KCNQ1: variants seen among roughly 807,000 people sequenced by gnomAD.
KCNQ1 encodes the protein potassium voltage-gated channel subfamily KQT member 1.
Under a neutral mutation model 72.4 loss-of-function variants are expected in KCNQ1, and 49 were observed. The observed-to-expected ratio is 0.68, with a 90% CI of 0.54 to 0.86. KCNQ1 has a LOEUF of 0.86. Ranked by LOEUF, KCNQ1 falls within the 40% of genes least tolerant of loss-of-function variation. KCNQ1 has a pLI of 0.00. For missense variants in KCNQ1, 790 were observed against 945.1 expected (o/e 0.84, Z 2.15); for synonymous variants, 450 against 412.6 (o/e 1.09, Z -1.10).
rs1295795866 is a variant in KCNQ1 at position 2,509,793 on chromosome 11, G to A, written c.387-18135G>A. 6.6e-6 allele frequency among the ~76,000 whole-genome samples: 1 copy of A among 152,198 alleles called. No homozygotes were observed. Among genetic ancestry groups the A allele is most frequent in the Non-Finnish European group, 1.5e-5 (1 of 68,040 alleles). On this transcript the variant is annotated intron_variant, in intron 1 of 15. Transcript: ENST00000155840. The surrounding 1 kb of genome is among the most constrained non-coding windows in gnomAD (Gnocchi z 6.3). ...GCGGGGCTGGGCGGCTGCTGGCTGA[G>A]CCAAGTGGACTGGGAGGTGTGGACA...
At chr11:2,811,502 C>G (rs1847484817) in intron 15 of KCNQ1, among the ~76,000 whole-genome samples, 1 of 152,248 alleles carries the variant, frequency 6.6e-6, no homozygotes, top group African/African-American at 2.4e-5. Context: ...GTTCACTGCC[C>G]TAAAGGCCGC....
At chr11:2,718,291 T>A (rs10832572) in intron 11 of KCNQ1, among the ~76,000 whole-genome samples, 1 of 151,992 alleles carries the variant, frequency 6.6e-6, no homozygotes, top group African/African-American at 2.4e-5. Flanking sequence ...ACCCCCACAC[T>A]TAGGGTGCCT....
At chr11:2,459,681 C>T (rs998013203) in intron 1 of KCNQ1, among the ~76,000 whole-genome samples, 5 of 152,052 alleles carry the variant, frequency 3.3e-5, no homozygotes, top group Non-Finnish European at 7.4e-5. Context: ...CGTGGTCCCT[C>T]CCCCCAGACC....
chr11:2,836,864 G>A (rs1848076275), intron 15 of KCNQ1, among the ~76,000 whole-genome samples: 1 of 152,256 alleles, frequency 6.6e-6, no homozygotes, highest in Non-Finnish European at 1.5e-5. Flanking sequence ...AGAGGGAAAT[G>A]GGGCAGGTGA....
chr11:2,460,695 C>T (rs1342870976), intron 1 of KCNQ1, among the ~76,000 whole-genome samples: 3 of 152,196 alleles, frequency 2.0e-5, no homozygotes, highest in Non-Finnish European at 2.9e-5. Flanking sequence ...GGACTCCGCT[C>T]TTGTGGGGCA....
At chr11:2,684,516 T>C (rs1850451702) in intron 11 of KCNQ1, 6 of 398,530 alleles carry the variant, frequency 1.5e-5, no homozygotes, top group Non-Finnish European at 2.2e-5. Context: ...TATTCCACTG[T>C]TAGGTGTTGG....
rs548212611 is a variant in KCNQ1 at position 2,462,201 on chromosome 11, T to G, written c.386+16717T>G. On this transcript the variant is annotated intron_variant, in intron 1 of 15. Transcript: ENST00000155840. This position sits in a 1 kb window ranked among gnomAD's most constrained non-coding sequence, Gnocchi z 8.2. ...TCTGGTGGTTTGGGTTCTGGATTGG[T>G]GGGTGCTGGGTGGGTCTTCATGGCT... Among the ~76,000 whole-genome samples the G allele has an allele frequency of 5.3e-5, 8 of 151,982 alleles. 1 individual carries two copies. In the South Asian group the frequency reaches 1.7e-3, roughly 32 times the overall value.
rs1042710227 is a variant in KCNQ1, at chr11:2,495,626, T to C, written c.387-32302T>C. ...AGTCATTCAGTAGCAGGTTGTTCAA[T>C]TTCCATGTATCTGTGTGGTTTTTAG... On this transcript the variant is annotated intron_variant, in intron 1 of 15. Coordinates refer to ENST00000155840, the MANE Select transcript of KCNQ1 (RefSeq NM_000218.3). This position sits in a 1 kb window ranked among gnomAD's most constrained non-coding sequence, Gnocchi z 4.6. 6.6e-6 allele frequency among the ~76,000 whole-genome samples: 1 copy of C among 152,260 alleles called. No individual in the cohort carries two copies. The highest frequency in any genetic ancestry group is 2.4e-5 in the African/African-American group (1 of 41,474).
rs969765913 is a variant in KCNQ1 at position 2,495,505 on chromosome 11, T to C, written c.387-32423T>C. The stretch of plus-strand genomic sequence containing the variant: ...ATAAATTTGCCTCTAAACACTGCTT[T>C]AGCTGTGTCCCAGAAATTCTGGTAC... On this transcript the variant is annotated intron_variant, in intron 1 of 15. Transcript: ENST00000155840. The surrounding 1 kb of genome is among the most constrained non-coding windows in gnomAD (Gnocchi z 4.6). Among the ~76,000 whole-genome samples the C allele has an allele frequency of 1.3e-5, 2 of 152,250 alleles. No homozygotes were observed. The highest frequency in any genetic ancestry group is 2.9e-5 in the Non-Finnish European group (2 of 68,040).
chr11:2,641,777 A>G (rs1849580747), intron 10 of KCNQ1: 1 of 398,412 alleles, frequency 2.5e-6, no homozygotes, highest in Non-Finnish European at 4.4e-6. Context: ...TTCATGCCTC[A>G]TGTTTAAGTC....
chr11:2,633,361 A>G, intron 10 of KCNQ1: 1 of 398,350 alleles, frequency 2.5e-6, no homozygotes, highest in East Asian at 3.6e-5. Context: ...TTTTATGTGT[A>G]GGTTTTTAGT....
In KCNQ1 at chr11:2,781,556, A is replaced by T. The variant is rs1846823003; in HGVS notation, c.1794+3519A>T. Among the ~76,000 whole-genome samples, 1 of 152,306 alleles carries T rather than the reference A, an allele frequency of 6.6e-6. No homozygotes were observed. Among genetic ancestry groups the T allele is most frequent in the Non-Finnish European group, 1.5e-5 (1 of 68,018 alleles). ...CCCACTGGGCTTCCTGAAGTCCCAC[A>T]CAGGGCTGGCAGTCTGTGTGGGGGC... is the stretch of plus-strand genomic sequence containing the variant. On this transcript the variant is annotated intron_variant, in intron 15 of 15. Transcript: ENST00000155840. The surrounding 1 kb of genome is among the most constrained non-coding windows in gnomAD (Gnocchi z 6.6).
intron 10 of KCNQ1, chr11:2,631,099 T>C (rs1849345429): frequency 2.5e-6 from 1 of 398,592 alleles, no homozygotes; most frequent in South Asian, 1.3e-4. Context: ...TTGAGCTTCA[T>C]GTACCTAGAT....
chr11:2,683,727 C>T lies in KCNQ1; in HGVS notation c.1514+21646C>T, dbSNP rs1850438227. 5.0e-6 allele frequency: 2 copies of T among 398,634 alleles called. No individual in the cohort carries two copies. Among genetic ancestry groups the T allele is most frequent in the Non-Finnish European group, 8.8e-6 (2 of 226,062 alleles). 24.7% of individuals were successfully genotyped at this position (398,634 alleles called of 1,614,324 possible). On this transcript the variant is annotated intron_variant, in intron 11 of 15. Transcript: ENST00000155840. The surrounding 1 kb of genome is among the most constrained non-coding windows in gnomAD (Gnocchi z 4.7). ...GGCCTTTCCTTACTCCCTCTGGTTA[C>T]CTAGCTTTAGCTCTGAGGCAGCCCA...
rs201590918 is a variant in KCNQ1 at position 2,585,311 on chromosome 11, C to T, written c.1128+4C>T. Reference sequence around the variant, plus strand: ...GGCGGCAGCCTCACTCATTCAGGTGCGGTGCCTGCAAGGCCCTGGTCACTG... The same window carrying T: ...GGCGGCAGCCTCACTCATTCAGGTGTGGTGCCTGCAAGGCCCTGGTCACTG... On this transcript the variant is annotated splice_donor_region_variant and intron_variant, in intron 8 of 15. Transcript: ENST00000155840. The T allele has an allele frequency of 3.4e-5, 55 of 1,612,262 alleles. No individual in the cohort carries two copies. Among genetic ancestry groups the T allele is most frequent in the Middle Eastern group, 3.3e-4 (2 of 6,062 alleles).
chr11:2,488,310 G>A lies in KCNQ1; in HGVS notation c.387-39618G>A, dbSNP rs186465532. Among the ~76,000 whole-genome samples the A allele has an allele frequency of 1.6e-4, 25 of 152,236 alleles. No individual in the cohort carries two copies. The highest frequency in any genetic ancestry group is 1.3e-3 in the East Asian group (7 of 5,188). ...GCATCAGTTTTCATAAGGGATATTG[G>A]TCTGTAGTTTTCTTGTAGTCTTTGT... On this transcript the variant is annotated intron_variant, in intron 1 of 15. Transcript: ENST00000155840. This position sits in a 1 kb window ranked among gnomAD's most constrained non-coding sequence, Gnocchi z 5.1.
rs2237867 is a variant in KCNQ1, at chr11:2,515,133, A to C, written c.387-12795A>C. ...CGTGCGCCCATCAGCCGGATATTGG[A>C]CGTTATACTCAATAGGTAATTTTTC... On this transcript the variant is annotated intron_variant, in intron 1 of 15. Coordinates refer to ENST00000155840, the MANE Select transcript of KCNQ1 (RefSeq NM_000218.3). The surrounding 1 kb of genome is among the most constrained non-coding windows in gnomAD (Gnocchi z 4.7). 0.16 allele frequency among the ~76,000 whole-genome samples: 23,876 copies of C among 151,984 alleles called. 2,207 individuals carry two copies. The highest frequency in any genetic ancestry group is 0.41 in the East Asian group (2,127 of 5,150).
chr11:2,617,016 T>C lies in KCNQ1; in HGVS notation c.1393+28162T>C, dbSNP rs188656646. 2.5e-6 allele frequency: 1 copy of C among 398,122 alleles called. No homozygotes were observed. Among genetic ancestry groups the C allele is most frequent in the Non-Finnish European group, 4.4e-6 (1 of 225,840 alleles). The allele number at this position is 398,122 out of a possible 1,614,324, so 24.7% of individuals were successfully genotyped here. A position where few individuals can be genotyped will look rare whatever the true frequency, so the allele number is the denominator to read the frequency against. On this transcript the variant is annotated intron_variant, in intron 10 of 15. Coordinates refer to ENST00000155840, the MANE Select transcript of KCNQ1 (RefSeq NM_000218.3). This position sits in a 1 kb window ranked among gnomAD's most constrained non-coding sequence, Gnocchi z 4.6. ...CATATTTAGTGTATAAAACATACAG[T>C]TAAATCGTTAACATAGTGATGCAAA...
intron 10 of KCNQ1, among the ~76,000 whole-genome samples, chr11:2,589,586 C>T (rs1848644793): frequency 6.6e-6 from 1 of 152,164 alleles, no homozygotes; most frequent in African/African-American, 2.4e-5. Flanking sequence ...GGCGGGAATA[C>T]AGCAGTGCCC....
Sources: allele counts gnomAD v4.1 joint callset (sites outside exome capture counted in the v4.1 genomes callset), GRCh38; gene constraint gnomAD v4.1.1; non-coding constraint Gnocchi (gnomAD v3.1); transcripts MANE v1.5; gene names NCBI Gene and HGNC (gene_info 2026-07-23, HGNC 2026-07-21).